Variants in LAMA4 observed in about 807,000 individuals in gnomAD.
LAMA4 encodes the protein laminin subunit alpha-4.
LAMA4 carries 127 observed loss-of-function variants against 207.1 expected under a neutral mutation model. The ratio of observed to expected loss-of-function variants is 0.61; its 90% CI spans 0.53 to 0.71. The LOEUF (loss-of-function observed/expected upper bound fraction) is 0.71. Among genes scored for constraint, LAMA4 ranks in the 30% least tolerant of loss-of-function variants. The pLI, the probability that LAMA4 is intolerant of heterozygous loss-of-function variation, is 0.00. For missense variants in LAMA4, 2,093 were observed against 2,246.5 expected (o/e 0.93, Z 1.38); for synonymous variants, 761 against 816.0 (o/e 0.93, Z 1.15).
intron 12 of LAMA4, among the ~76,000 whole-genome samples, chr6:112,165,734 T>C (rs1781347131): frequency 1.3e-5 from 2 of 152,232 alleles, no homozygotes; most frequent in South Asian, 4.1e-4. Flanking sequence ...AAAATAATCT[T>C]ATTATGTCCT....
intron 14 of LAMA4, among the ~76,000 whole-genome samples, chr6:112,158,491 C>G (rs1780855152): frequency 1.3e-5 from 2 of 151,928 alleles, no homozygotes; most frequent in African/African-American, 4.8e-5. Context: ...ATAAAAAAGA[C>G]CAGCTCCCCC....
At chr6:112,138,369 C>T (rs538023810) in intron 24 of LAMA4, among the ~76,000 whole-genome samples, 1 of 152,080 alleles carries the variant, frequency 6.6e-6, no homozygotes, top group African/African-American at 2.4e-5. Flanking sequence ...GTTACAACCA[C>T]CAATAAAATT....
At chr6:112,154,791 G>C (rs1307768058) in intron 16 of LAMA4, 60 bp downstream of exon 16, 2 of 1,010,324 alleles carry the variant, frequency 2.0e-6, no homozygotes, top group Non-Finnish European at 3.2e-6. Context: ...CTGTCTACGT[G>C]TATGAAAGGA....
chr6:112,157,300 G>A (rs1241219963), intron 14 of LAMA4, among the ~76,000 whole-genome samples: 2 of 142,424 alleles, frequency 1.4e-5, no homozygotes, highest in African/African-American at 2.7e-5. Flanking sequence ...ATGAAACAAA[G>A]CCTTTATTAC....
chr6:112,179,302 G>A (rs1782206686), intron 9 of LAMA4: 1 of 152,260 alleles, frequency 6.6e-6, no homozygotes, highest in African/African-American at 2.4e-5. Context: ...GTGAAGGACA[G>A]AATGTGATCT....
chr6:112,160,220 C>G (rs1463958322), intron 13 of LAMA4, among the ~76,000 whole-genome samples: 1 of 152,068 alleles, frequency 6.6e-6, no homozygotes, highest in Non-Finnish European at 1.5e-5. Flanking sequence ...AGGTATTTCC[C>G]CAGCTTTTTG....
At chr6:112,209,273 T>C (rs1249782724) in intron 3 of LAMA4, among the ~76,000 whole-genome samples, 1 of 152,190 alleles carries the variant, frequency 6.6e-6, no homozygotes, top group African/African-American at 2.4e-5. Flanking sequence ...GTTAGGCCAT[T>C]CTTTGTGCCC....
chr6:112,114,496 A>C (rs1414029306), intron 37 of LAMA4, among the ~76,000 whole-genome samples, 167 bp downstream of exon 37: 2 of 152,158 alleles, frequency 1.3e-5, no homozygotes, highest in African/African-American at 4.8e-5. Context: ...TTTTGAAATC[A>C]CATGTGGATT....
At chr6:112,171,284 A>G (rs1476783366) in intron 12 of LAMA4, among the ~76,000 whole-genome samples, 3 of 151,872 alleles carry the variant, frequency 2.0e-5, no homozygotes, top group Non-Finnish European at 4.4e-5. Flanking sequence ...AATGGCTCAC[A>G]AGTTGCAGCG....
chr6:112,187,540 C>T lies in LAMA4; in HGVS notation c.876G>A (p.Glu292=). The part of the protein sequence containing the change: ...DDLRLAALSI[E]EGKSGVLSVS... ...CGCTCAGCACCCCGGATTTGCCTTC[C>T]TCGATGGAGAGCGCTGCTAACCGCA... Residue 292 remains glutamate (E), a synonymous_variant, in exon 8 of 39, where the codon GAG becomes GAA. Transcript: ENST00000230538. 1.2e-6 allele frequency: 2 copies of T among 1,614,118 alleles called. No homozygotes were observed. Among genetic ancestry groups the T allele is most frequent in the Non-Finnish European group, 1.7e-6 (2 of 1,179,998 alleles).
At chr6:112,189,537 A>G (rs1223664063) in intron 6 of LAMA4, among the ~76,000 whole-genome samples, 1 of 152,188 alleles carries the variant, frequency 6.6e-6, no homozygotes, top group Non-Finnish European at 1.5e-5. Flanking sequence ...AAGATACTAA[A>G]TGACCACGAG....
intron 2 of LAMA4, 93 bp from the exon 3 acceptor site, chr6:112,216,562 C>A: frequency 1.2e-6 from 1 of 813,148 alleles, no homozygotes; most frequent in Admixed American, 1.9e-5. Flanking sequence ...GATTATTAAA[C>A]AATCTAAACA....
chr6:112,155,094 A>T, intron 15 of LAMA4, 147 bp from the exon 16 acceptor site: 1 of 709,058 alleles, frequency 1.4e-6, no homozygotes, highest in Non-Finnish European at 2.6e-6. Context: ...ATTAAGGTCA[A>T]ATATGTGACC....
At chr6:112,207,198 A>T in intron 3 of LAMA4, 53 bp from the exon 4 acceptor site, 4 of 1,600,068 alleles carry the variant, frequency 2.5e-6, no homozygotes, top group Non-Finnish European at 3.4e-6. Context: ...AATTTTAGAG[A>T]CAGCACATCT....
intron 9 of LAMA4, among the ~76,000 whole-genome samples, chr6:112,184,323 A>AG (rs1297416863): frequency 2.8e-5 from 4 of 143,826 alleles, no homozygotes; most frequent in African/African-American, 1.0e-4. Context: ...GAATATCATT[A>AG]GAAAAAAAAA....
intron 2 of LAMA4, among the ~76,000 whole-genome samples, chr6:112,232,902 C>T (rs1785654482): frequency 6.6e-6 from 1 of 152,168 alleles, no homozygotes; most frequent in Non-Finnish European, 1.5e-5. Context: ...TAAAACAATA[C>T]TTTCATTACA....
chr6:112,140,781 A>G lies in LAMA4; in HGVS notation c.2955T>C (p.Gly985=), dbSNP rs782089417. 5 of 1,614,056 alleles carry G rather than the reference A, an allele frequency of 3.1e-6. No homozygotes were observed. Among genetic ancestry groups the G allele is most frequent in the Non-Finnish European group, 4.2e-6 (5 of 1,179,952 alleles). Residue 985 remains glycine, a synonymous_variant, in exon 22 of 39, where the codon GGT becomes GGC. Transcript: ENST00000230538. ...TGACCTTGAAGTTGGAAGGCACTCC[A>G]CCAACATAAAACACTGTGTCCTCAG... The part of the protein sequence containing the change: ...LDPEDTVFYV[G]GVPSNFKLPT...
chr6:112,153,594 T>C (rs1554336195), intron 16 of LAMA4, among the ~76,000 whole-genome samples: 2 of 152,128 alleles, frequency 1.3e-5, no homozygotes, highest in African/African-American at 4.8e-5. Context: ...TGAGAGAATA[T>C]ATTACAAGTT....
At position 112,135,800 on chromosome 6, in the gene LAMA4, C is replaced by T. The variant is rs62413966; in HGVS notation, c.3414+323G>A. ...AAGGCTGTGTATCTACACTCTGGCT[C>T]ATTCAACAAATGTATAGAAGTATCC... is the stretch of plus-strand genomic sequence containing the variant. On this transcript the variant is annotated intron_variant, in intron 25 of 38. Transcript: ENST00000230538. 0.11 allele frequency: 31,425 copies of T among 289,814 alleles called. 2,149 individuals are homozygous for T. Among genetic ancestry groups the T allele is most frequent in the Admixed American group, 0.12 (2,423 of 20,534 alleles). The allele number at this position is 289,814 out of a possible 1,614,324, so 18.0% of individuals were successfully genotyped here.
Sources: allele counts gnomAD v4.1 joint callset (sites outside exome capture counted in the v4.1 genomes callset), GRCh38; gene constraint gnomAD v4.1.1; transcripts MANE v1.5; gene names NCBI Gene and HGNC (gene_info 2026-07-23, HGNC 2026-07-21).